The following SLC16A2 variants were observed in gnomAD, a reference collection of about 807,000 sequenced individuals.
SLC16A2 encodes the protein monocarboxylate transporter 8.
A neutral mutation model predicts 27.2 loss-of-function variants in SLC16A2; 3 were observed. That is an observed-to-expected ratio of 0.11 (90% CI 0.05 to 0.28). SLC16A2 has a LOEUF of 0.28. Ranked by LOEUF, SLC16A2 falls within the 10% of genes least tolerant of loss-of-function variation. The pLI is 1.00. For synonymous variants in SLC16A2, 202 were observed against 187.8 expected (o/e 1.08, Z -0.62); for missense variants, 295 against 458.5 (o/e 0.64, Z 3.26).
intron 1 of SLC16A2, among the ~76,000 whole-genome samples, chrX:74,470,281 T>C (rs1028423630): frequency 9.8e-5 from 11 of 112,521 alleles, no homozygotes; most frequent in Admixed American, 3.8e-4. Flanking sequence ...TAAACAATAA[T>C]GTGCAGGGTT....
intron 1 of SLC16A2, among the ~76,000 whole-genome samples, chrX:74,428,843 A>G (rs774375288): frequency 7.2e-5 from 8 of 111,787 alleles, no homozygotes; most frequent in Non-Finnish European, 1.5e-4. Flanking sequence ...TATTCAACAA[A>G]TGTCGTCATT....
In SLC16A2 at chrX:74,519,750, A is replaced by AAAAAAAAAAC. The variant is rs1569298945; in HGVS notation, c.431-1240_431-1239insAAAAAAAAAC. Among the ~76,000 whole-genome samples, 2 of 75,959 alleles carry AAAAAAAAAAC rather than the reference A, an allele frequency of 2.6e-5. 1 individual carries two copies. The allele number at this position is 75,959 out of a possible 115,157, so 66.0% of individuals were successfully genotyped here. The stretch of plus-strand genomic sequence containing the variant: ...AAAAAACAAAAAAAAAACGAAAGAA[A>AAAAAAAAAAC]GAAAAAGAAAAAGAAATGTTTGAGG... On this transcript the variant is annotated intron_variant, in intron 1 of 5. Transcript: ENST00000587091.
chrX:74,500,707 A>C (rs1280749554), intron 1 of SLC16A2, among the ~76,000 whole-genome samples: 3 of 111,418 alleles, frequency 2.7e-5, no homozygotes, highest in Non-Finnish European at 5.7e-5. Flanking sequence ...TATCAACCTC[A>C]ATGTAATTCT....
chrX:74,511,313 C>T (rs1930229094), intron 1 of SLC16A2, among the ~76,000 whole-genome samples: 1 of 110,795 alleles, frequency 9.0e-6, no homozygotes, highest in Admixed American at 9.5e-5. Context: ...TCCTGAGTAG[C>T]TGGGACTATA....
chrX:74,451,760 T>TG (rs1928946557), intron 1 of SLC16A2, among the ~76,000 whole-genome samples: 2 of 113,053 alleles, frequency 1.8e-5, no homozygotes, highest in African/African-American at 6.4e-5. Flanking sequence ...TGTCATCCCT[T>TG]GGGGGGTCCC....
At chrX:74,494,074 T>C (rs1042961707) in intron 1 of SLC16A2, among the ~76,000 whole-genome samples, 1 of 111,953 alleles carries the variant, frequency 8.9e-6, no homozygotes, top group Non-Finnish European at 1.9e-5. Context: ...TGCTTCTCAA[T>C]GAGGGGCTGA....
At chrX:74,466,105 A>G (rs1356452855) in intron 1 of SLC16A2, among the ~76,000 whole-genome samples, 1 of 111,527 alleles carries the variant, frequency 9.0e-6, no homozygotes, top group African/African-American at 3.3e-5. Flanking sequence ...ACAGGGTTTC[A>G]GGAGTCCGGA....
At chrX:74,437,928 C>A (rs755838867) in intron 1 of SLC16A2, among the ~76,000 whole-genome samples, 1 of 112,161 alleles carries the variant, frequency 8.9e-6, no homozygotes, top group South Asian at 3.8e-4. Flanking sequence ...ATGAGTGGAT[C>A]TGCTTATTAT....
intron 1 of SLC16A2, among the ~76,000 whole-genome samples, chrX:74,430,517 A>G (rs1317491096): frequency 8.9e-6 from 1 of 112,259 alleles, no homozygotes; most frequent in Non-Finnish European, 1.9e-5. Context: ...TACTCTACCC[A>G]GATCTATATG....
At chrX:74,442,022 A>G (rs1195798351) in intron 1 of SLC16A2, among the ~76,000 whole-genome samples, 1 of 109,496 alleles carries the variant, frequency 9.1e-6, no homozygotes, top group Admixed American at 9.7e-5. Context: ...TGAGGTTGGG[A>G]GTTGAAGACC....
Position 74,499,723 on chromosome X carries a change from G to T in SLC16A2, c.431-21267G>T, listed in dbSNP as rs367977177. 5.4e-5 allele frequency among the ~76,000 whole-genome samples: 6 copies of T among 111,396 alleles called. No individual in the cohort carries two copies. The East Asian group carries it at 1.7e-3, about 31-fold the overall frequency. On this transcript the variant is annotated intron_variant, in intron 1 of 5. Coordinates refer to ENST00000587091, the MANE Select transcript of SLC16A2 (RefSeq NM_006517.5). ...CCCACCTTGGCCTCCCAAAGTGCTG[G>T]GATTACAGGTGTGAGCCACCACGCC... is the stretch of plus-strand genomic sequence containing the variant.
chrX:74,490,560 T>C (rs1287040497), intron 1 of SLC16A2, among the ~76,000 whole-genome samples: 1 of 110,837 alleles, frequency 9.0e-6, no homozygotes, highest in African/African-American at 3.3e-5. Flanking sequence ...AGCTCCTATA[T>C]GTGTTTCCTG....
chrX:74,512,747 A>G (rs752381102), intron 1 of SLC16A2, among the ~76,000 whole-genome samples: 1 of 111,931 alleles, frequency 8.9e-6, no homozygotes, highest in South Asian at 3.8e-4. Context: ...GTAAGGAGCC[A>G]AGGCACTAAT....
At chrX:74,487,617 G>A (rs1441467323) in intron 1 of SLC16A2, among the ~76,000 whole-genome samples, 1 of 112,089 alleles carries the variant, frequency 8.9e-6, no homozygotes, top group Admixed American at 9.5e-5. Flanking sequence ...TGTCCTTAAA[G>A]TGTTTATTTT....
chrX:74,524,874 T>C, intron 3 of SLC16A2, 65 bp downstream of exon 3: 4 of 974,968 alleles, frequency 4.1e-6, no homozygotes, highest in Non-Finnish European at 5.8e-6. Flanking sequence ...CCTGCCTAGA[T>C]TCCAGAGGGT....
chrX:74,430,546 G>C (rs192651676), intron 1 of SLC16A2, among the ~76,000 whole-genome samples: 40 of 112,043 alleles, frequency 3.6e-4, no homozygotes, highest in African/African-American at 1.2e-3. Context: ...CATAATTCTT[G>C]AGTCCAAAAG....
Position 74,532,774 on chromosome X carries a change from C to G in SLC16A2, c.*1221C>G, listed in dbSNP as rs1427866969. The G allele has an allele frequency of 8.9e-6, 1 of 112,416 alleles. No individual in the cohort carries two copies. The highest frequency in any genetic ancestry group is 1.9e-5 in the Non-Finnish European group (1 of 53,203). The allele number at this position is 112,416 out of a possible 1,213,427, so 9.3% of individuals were successfully genotyped here. A position where few individuals can be genotyped will look rare whatever the true frequency, so the allele number is the denominator to read the frequency against. ...GGGGAAGCCATCCCAGCCTTTACCACCCAATGTGTCTCCCATGCTGGGCAT... is the reference window on the plus strand; with the variant it reads ...GGGGAAGCCATCCCAGCCTTTACCAGCCAATGTGTCTCCCATGCTGGGCAT... On this transcript the variant is annotated 3_prime_UTR_variant, in exon 6 of 6. Coordinates refer to ENST00000587091, the MANE Select transcript of SLC16A2 (RefSeq NM_006517.5).
intron 1 of SLC16A2, among the ~76,000 whole-genome samples, chrX:74,490,989 C>G (rs1045477786): frequency 8.9e-6 from 1 of 111,877 alleles, no homozygotes; most frequent in Non-Finnish European, 1.9e-5. Context: ...AGGAGAAGCT[C>G]GAAGTCAGGA....
intron 1 of SLC16A2, among the ~76,000 whole-genome samples, chrX:74,427,803 ACG>A (rs201603759): frequency 1.1e-4 from 8 of 72,334 alleles, no homozygotes; most frequent in African/African-American, 1.6e-4. Context: ...GCACGCGTGC[ACG>A]CGCGCGCACA....
Sources: allele counts gnomAD v4.1 joint callset (sites outside exome capture counted in the v4.1 genomes callset), GRCh38; gene constraint gnomAD v4.1.1; transcripts MANE v1.5; gene names NCBI Gene and HGNC (gene_info 2026-07-23, HGNC 2026-07-21).